AHRR: variants seen among roughly 807,000 people sequenced by gnomAD.
AHRR encodes the protein aryl hydrocarbon receptor repressor, also known as ahR repressor.
In AHRR, 28 loss-of-function variants were observed where a neutral mutation model predicts 44.0. That is an observed-to-expected ratio of 0.64 (90% CI 0.47 to 0.87). The LOEUF (loss-of-function observed/expected upper bound fraction) is 0.87. AHRR is among the 40% of genes least tolerant of loss of function. AHRR has a pLI of 0.00. For missense variants in AHRR, 990 were observed against 953.9 expected (o/e 1.04, Z -0.50); for synonymous variants, 434 against 407.0 (o/e 1.07, Z -0.80).
At chr5:428,198 TGCAAACTG>T (rs1168418130) in intron 8 of AHRR, among the ~76,000 whole-genome samples, 192 bp downstream of exon 8, 1 of 152,254 alleles carries the variant, frequency 6.6e-6, no homozygotes, top group Non-Finnish European at 1.5e-5. Flanking sequence ...AACTCGTATT[TGCAAACTG>T]GCACCAAACG....
chr5:343,929 C>T lies in AHRR; in HGVS notation c.27C>T (p.Tyr9=). MIPPGECT[Y]AGRKRRRPLQ... The stretch of plus-strand genomic sequence containing the variant: ...TGATCCCGCCGGGGGAGTGCACGTA[C>T]GCGGGCCGGAAGCGGAGGAGGCCCC... The change falls in exon 2 of 11, where the codon TAC becomes TAT. Residue 9 remains tyrosine (Y), a synonymous_variant. Coordinates refer to ENST00000684583, the MANE Select transcript of AHRR (RefSeq NM_001377236.1). The T allele has an allele frequency of 6.2e-7, 1 of 1,600,780 alleles. No homozygotes were observed. Among genetic ancestry groups the T allele is most frequent in the South Asian group, 1.1e-5 (1 of 90,330 alleles).
At position 434,337 on chromosome 5, in the gene AHRR, A is replaced by G. The variant is rs529614371; in HGVS notation, c.1597A>G (p.Ile533Val). The change falls in exon 11 of 11, where the codon ATC becomes GTC. Residue 533 changes from isoleucine (I) to valine (V), a missense_variant. Ile to Val is a conservative substitution (Grantham distance 29, BLOSUM62 3). Transcript: ENST00000684583. The part of the protein sequence containing the change: ...CGPTLLLDVS[I>V]KMEKDSGCEG... ...TCCGACGCTGCTGCTAGATGTGTCC[A>G]TCAAGATGGAGAAGGACTCTGGGTG... 1.2e-6 allele frequency: 2 copies of G among 1,612,844 alleles called. No homozygotes were observed. Among genetic ancestry groups the G allele is most frequent in the East Asian group, 2.2e-5 (1 of 44,858 alleles).
rs1267444809 is a variant in AHRR, at chr5:387,872, G to A, written c.351+11156G>A. On this transcript the variant is annotated intron_variant, in intron 4 of 10. Transcript: ENST00000684583. This position sits in a 1 kb window ranked among gnomAD's most constrained non-coding sequence, Gnocchi z 5.1. Reference sequence around the variant, plus strand: ...GAGGCCAGGAGCCAAAACCAGCGCCGATGGGCTGCAAGCGAGGTGTTGGCA... The same window carrying A: ...GAGGCCAGGAGCCAAAACCAGCGCCAATGGGCTGCAAGCGAGGTGTTGGCA... Among the ~76,000 whole-genome samples the A allele has an allele frequency of 1.3e-5, 2 of 152,234 alleles. No individual in the cohort carries two copies. Among genetic ancestry groups the A allele is most frequent in the East Asian group, 1.9e-4 (1 of 5,198 alleles).
rs1736198252 is a variant in AHRR at position 422,867 on chromosome 5, C to G, written c.571+9C>G. ...CCCGCCCTTGGAGACAGGTGGGTGT[C>G]TGGGGTCCAAGTGAGTCAGCAAAAC... On this transcript the variant is annotated intron_variant, in intron 6 of 10. Transcript: ENST00000684583. 6.2e-7 allele frequency: 1 copy of G among 1,607,466 alleles called. No individual in the cohort carries two copies. Among genetic ancestry groups the G allele is most frequent in the Non-Finnish European group, 8.5e-7 (1 of 1,176,302 alleles).
rs936520211 is a variant in AHRR, at chr5:326,824, T to C, written c.-11+5005T>C. 5.3e-5 allele frequency among the ~76,000 whole-genome samples: 8 copies of C among 152,132 alleles called. No homozygotes were observed. The highest frequency in any genetic ancestry group is 1.9e-4 in the African/African-American group (8 of 41,426). Reference sequence around the variant, plus strand: ...CTGTAATCCCTGCACTTTGGGAGGCTGAGGCAGGCGGATCACTTGAGGTCG... The same window carrying C: ...CTGTAATCCCTGCACTTTGGGAGGCCGAGGCAGGCGGATCACTTGAGGTCG... On this transcript the variant is annotated intron_variant, in intron 1 of 10. Coordinates refer to ENST00000684583, the MANE Select transcript of AHRR (RefSeq NM_001377236.1). The surrounding 1 kb of genome is among the most constrained non-coding windows in gnomAD (Gnocchi z 4.1).
intron 1 of AHRR, among the ~76,000 whole-genome samples, chr5:339,280 A>AT (rs1238460597): frequency 6.6e-6 from 1 of 151,820 alleles, no homozygotes; most frequent in Admixed American, 6.6e-5. Flanking sequence ...ACACTGGCTA[A>AT]TTTTTTTTAA....
chr5:422,518 C>T (rs559481961), intron 5 of AHRR: 223 of 605,596 alleles, frequency 3.7e-4, no homozygotes, highest in Non-Finnish European at 5.6e-4. Flanking sequence ...GGCGGGCAGA[C>T]GGGTGGGCGG....
chr5:354,396 C>T (rs769430037), intron 3 of AHRR, among the ~76,000 whole-genome samples: 25 of 152,106 alleles, frequency 1.6e-4, no homozygotes, highest in African/African-American at 2.9e-4. Context: ...GGGTGCCGGG[C>T]GCCTCCCCCT....
At chr5:368,042 TGTTA>T (rs1743428512) in intron 3 of AHRR, 1 of 644,466 alleles carries the variant, frequency 1.6e-6, no homozygotes, top group Admixed American at 2.4e-5. Flanking sequence ...CCCATATGGG[TGTTA>T]GTTGTAAATT....
intron 4 of AHRR, among the ~76,000 whole-genome samples, chr5:410,986 C>G (rs1252409406): frequency 6.7e-6 from 1 of 149,680 alleles, no homozygotes; most frequent in Admixed American, 6.6e-5. Context: ...TAGTGATGTA[C>G]TTTTAAACTC....
intron 4 of AHRR, chr5:403,695 TA>T: frequency 2.5e-6 from 2 of 793,490 alleles, no homozygotes; most frequent in South Asian, 1.8e-5. Context: ...TTTTTTTTTT[TA>T]CTTTCTCTCA....
chr5:421,263 C>G, intron 5 of AHRR: 1 of 698,056 alleles, frequency 1.4e-6, no homozygotes, highest in Non-Finnish European at 2.6e-6. Context: ...GAGCGGATGC[C>G]GTGTGCAGGC....
chr5:380,150 G>A (rs1379430743), intron 4 of AHRR, among the ~76,000 whole-genome samples: 1 of 152,112 alleles, frequency 6.6e-6, no homozygotes, highest in African/African-American at 2.4e-5. Flanking sequence ...TATTTTTGTG[G>A]ATCTGTTTCT....
intron 5 of AHRR, among the ~76,000 whole-genome samples, chr5:415,408 G>T (rs1176225601): frequency 7.2e-4 from 98 of 136,670 alleles, no homozygotes; most frequent in African/African-American, 2.8e-3. Context: ...TGCCTGGTCG[G>T]GTGGGAGGCC....
chr5:408,954 T>C (rs771737856), intron 4 of AHRR, among the ~76,000 whole-genome samples: 6 of 152,236 alleles, frequency 3.9e-5, no homozygotes, highest in Non-Finnish European at 7.3e-5. Context: ...TTCAAATGTA[T>C]TTGTACATAG....
chr5:325,972 G>A (rs1484988834), intron 1 of AHRR, among the ~76,000 whole-genome samples: 2 of 151,816 alleles, frequency 1.3e-5, no homozygotes, highest in Admixed American at 6.6e-5. Flanking sequence ...TAGTAGAGAC[G>A]GGGTTTCGCC....
At position 434,262 on chromosome 5, in the gene AHRR, G is replaced by A. The variant is rs200060230; in HGVS notation, c.1522G>A (p.Glu508Lys). 2.2e-4 allele frequency: 346 copies of A among 1,602,720 alleles called. 1 individual carries two copies. The African/African-American group carries it at 4.2e-3, about 19-fold the overall frequency. ...TTTTGCCACGAGGGGCTATCCCATG[G>A]AGGACATGAAGCTGCAAGGTGTACC... ...QRFATRGYPM[E>K]DMKLQGVPMP... The change falls in exon 11 of 11, where the codon GAG becomes AAG. Residue 508 changes from glutamate (E) to lysine (K), a missense_variant. Physicochemically the swap from Glu to Lys is moderately conservative, Grantham distance 56. Transcript: ENST00000684583.
At chr5:365,446 ATG>A (rs1446660939) in intron 3 of AHRR, among the ~76,000 whole-genome samples, 1 of 152,210 alleles carries the variant, frequency 6.6e-6, no homozygotes, top group Non-Finnish European at 1.5e-5. Context: ...AATATTTAAA[ATG>A]TGTGGGATGT....
intron 2 of AHRR, among the ~76,000 whole-genome samples, chr5:351,206 A>G (rs1355122271): frequency 1.3e-5 from 2 of 152,242 alleles, no homozygotes; most frequent in Non-Finnish European, 2.9e-5. Flanking sequence ...GGTGCCCCAG[A>G]AAATGAAACA....
Sources: gnomAD v4.1 joint callset for allele counts (sites outside exome capture counted in the v4.1 genomes callset) on GRCh38, gnomAD v4.1.1 for gene constraint, Gnocchi (gnomAD v3.1) non-coding constraint, MANE v1.5 for transcripts, NCBI Gene and HGNC (gene_info 2026-07-23, HGNC 2026-07-21) for gene names.